The following MTMR1 variants were observed in gnomAD, a reference collection of about 807,000 sequenced individuals.
The protein encoded by MTMR1 is phosphatidylinositol-3-phosphate phosphatase MTMR1.
In MTMR1, 17 loss-of-function variants were observed where a neutral mutation model predicts 51.6. The ratio of observed to expected loss-of-function variants is 0.33; its 90% CI spans 0.23 to 0.49. The LOEUF (loss-of-function observed/expected upper bound fraction) is 0.49, where lower values mean the gene tolerates loss of function less well. MTMR1 is among the 20% of genes least tolerant of loss of function. MTMR1 has a pLI of 0.99. For synonymous variants in MTMR1, 201 were observed against 205.6 expected, an observed-to-expected ratio of 0.98 and a Z score of 0.19; for missense variants, 386 against 526.9, an observed-to-expected ratio of 0.73 and a Z score of 2.62.
chrX:150,742,190 T>C (rs2148649722), intron 12 of MTMR1, among the ~76,000 whole-genome samples: 1 of 112,301 alleles, frequency 8.9e-6, no homozygotes, highest in South Asian at 3.7e-4. Flanking sequence ...AGAATGTACC[T>C]TACAGAAACC....
chrX:150,717,962 G>A (rs1557416450), intron 3 of MTMR1, among the ~76,000 whole-genome samples: 1 of 112,849 alleles, frequency 8.9e-6, no homozygotes, highest in African/African-American at 3.2e-5. Context: ...CCTGCCAGAT[G>A]AGAGCACACT....
intron 13 of MTMR1, among the ~76,000 whole-genome samples, chrX:150,745,224 G>C (rs2042544015): frequency 8.9e-6 from 1 of 112,339 alleles, no homozygotes; most frequent in African/African-American, 3.2e-5. Flanking sequence ...AGGCAAAAGA[G>C]AGTAGTTTCC....
Position 150,747,110 on chromosome X carries a change from C to T in MTMR1, c.1566+2657C>T, listed in dbSNP as rs143653724. On this transcript the variant is annotated intron_variant, in intron 13 of 15. Coordinates refer to ENST00000445323, the MANE Select transcript of MTMR1 (RefSeq NM_001306144.3). ...CCATAGTTTAATACAATCCTTACTC[C>T]TCTGGGTAGGTTTAATAGTCATTGA... Among the ~76,000 whole-genome samples, 460 of 111,027 alleles carry T rather than the reference C, an allele frequency of 4.1e-3. 2 individuals are homozygous for T. Among genetic ancestry groups the T allele is most frequent in the African/African-American group, 0.014 (417 of 30,500 alleles).
At chrX:150,738,183 A>G (rs2042330738) in intron 12 of MTMR1, among the ~76,000 whole-genome samples, 1 of 112,554 alleles carries the variant, frequency 8.9e-6, no homozygotes, top group South Asian at 3.6e-4. Context: ...TTCTGTCTTC[A>G]TATACATTTG....
Position 150,763,397 on chromosome X carries a change from GTCC to G in MTMR1, c.*671_*673del, listed in dbSNP as rs1273733644. The G allele has an allele frequency of 8.8e-6, 1 of 113,048 alleles. No individual in the cohort carries two copies. Among genetic ancestry groups the G allele is most frequent in the Non-Finnish European group, 1.9e-5 (1 of 53,416 alleles). The allele number at this position is 113,048 out of a possible 1,213,427, so 9.3% of individuals were successfully genotyped here. Reference sequence around the variant, plus strand: ...TGCAATTTCAAGGGCAACGTGTTCTGTCCTCACCTCACTCTGGTACTCGCCTCT... The same window carrying G: ...TGCAATTTCAAGGGCAACGTGTTCTGTCACCTCACTCTGGTACTCGCCTCT... On this transcript the variant is annotated 3_prime_UTR_variant, in exon 16 of 16. Coordinates refer to ENST00000445323, the MANE Select transcript of MTMR1 (RefSeq NM_001306144.3).
At chrX:150,744,269 T>A in intron 12 of MTMR1, 92 bp from the exon 13 acceptor site, 3 of 640,148 alleles carry the variant, frequency 4.7e-6, no homozygotes, top group Non-Finnish European at 7.5e-6. Context: ...TTAGGCCTGA[T>A]GAGATGTGAT....
rs2043186169 is a variant in MTMR1, at chrX:150,762,814, ATCTTG to A, written c.*90_*94del. The A allele has an allele frequency of 9.8e-7, 1 of 1,021,913 alleles. No individual in the cohort carries two copies. 84.2% of individuals were successfully genotyped at this position (1,021,913 alleles called of 1,213,427 possible). A position where few individuals can be genotyped will look rare whatever the true frequency, so the allele number is the denominator to read the frequency against. On this transcript the variant is annotated 3_prime_UTR_variant, in exon 16 of 16. Transcript: ENST00000445323. Reference sequence around the variant, plus strand: ...ATCACTGTTATGGCTGTAGCTTGTGATCTTGTCTTTTAGGATTAGGCCCAGGGACC... The same window carrying A: ...ATCACTGTTATGGCTGTAGCTTGTGATCTTTTAGGATTAGGCCCAGGGACC...
chrX:150,716,171 CT>C (rs1223032593), intron 3 of MTMR1, among the ~76,000 whole-genome samples: 1 of 112,542 alleles, frequency 8.9e-6, no homozygotes, highest in African/African-American at 3.2e-5. Flanking sequence ...AAACTTAAGT[CT>C]GTATAATACA....
intron 14 of MTMR1, among the ~76,000 whole-genome samples, chrX:150,752,893 C>T (rs190771324): frequency 3.3e-4 from 37 of 110,700 alleles, no homozygotes; most frequent in Non-Finnish European, 4.5e-4. Flanking sequence ...GTTCCCGCCT[C>T]GGCCTCCCAA....
chrX:150,758,106 T>C (rs2042958874), intron 15 of MTMR1, among the ~76,000 whole-genome samples: 1 of 111,258 alleles, frequency 9.0e-6, no homozygotes, highest in Non-Finnish European at 1.9e-5. Flanking sequence ...GCCCCTCTGC[T>C]GCAGGCCAGT....
chrX:150,695,002 T>C (rs923465786), intron 1 of MTMR1, among the ~76,000 whole-genome samples: 2 of 112,465 alleles, frequency 1.8e-5, no homozygotes, highest in Admixed American at 1.9e-4. Flanking sequence ...TCTGGTTTCC[T>C]TCAGAGATTT....
intron 1 of MTMR1, among the ~76,000 whole-genome samples, chrX:150,696,307 T>G (rs2040674406): frequency 9.0e-6 from 1 of 111,653 alleles, no homozygotes; most frequent in African/African-American, 3.3e-5. Flanking sequence ...ATTCACACTT[T>G]TCTTTGAAGA....
chrX:150,753,910 T>A (rs1557417668), intron 14 of MTMR1, among the ~76,000 whole-genome samples: 2 of 112,622 alleles, frequency 1.8e-5, no homozygotes, highest in Non-Finnish European at 3.7e-5. Flanking sequence ...CCCAAAGTCA[T>A]GAAGATTTGC....
chrX:150,732,566 A>G lies in MTMR1; in HGVS notation c.916A>G (p.Ser306Gly). Residue 306 changes from serine to glycine, a missense_variant, in exon 10 of 16, where the codon AGT becomes GGT. Transcript: ENST00000445323. Reference protein sequence around the residue: ...VPVLSWIHPESQATITRCSQP... With the variant: ...VPVLSWIHPEGQATITRCSQP... The stretch of plus-strand genomic sequence containing the variant: ...GGTGTTGTCATGGATTCATCCGGAA[A>G]GTCAAGCAACGATTACCCGTTGCAG... 8.3e-7 allele frequency: 1 copy of G among 1,209,641 alleles called. No individual in the cohort carries two copies. Among genetic ancestry groups the G allele is most frequent in the South Asian group, 1.8e-5 (1 of 56,524 alleles).
chrX:150,754,759 C>T (rs782047572), intron 14 of MTMR1, among the ~76,000 whole-genome samples: 2 of 111,693 alleles, frequency 1.8e-5, no homozygotes, highest in African/African-American at 6.5e-5. Flanking sequence ...TGAGGTGGCT[C>T]ATGCCTGTAA....
chrX:150,696,084 C>G (rs958174756), intron 1 of MTMR1, among the ~76,000 whole-genome samples: 1 of 111,496 alleles, frequency 9.0e-6, no homozygotes, highest in African/African-American at 3.3e-5. Context: ...GTTGAATTGG[C>G]AGGGTCTCTG....
chrX:150,758,789 C>G (rs1445352471), intron 15 of MTMR1, among the ~76,000 whole-genome samples: 6 of 105,590 alleles, frequency 5.7e-5, no homozygotes, highest in East Asian at 2.9e-4. Flanking sequence ...GAGTGAGACT[C>G]CGTCTCAAAA....
intron 13 of MTMR1, among the ~76,000 whole-genome samples, 187 bp from the exon 14 acceptor site, chrX:150,750,543 T>G (rs1557417559): frequency 8.9e-6 from 1 of 112,235 alleles, no homozygotes; most frequent in Non-Finnish European, 1.9e-5. Flanking sequence ...TTGCTGCTGG[T>G]TGTTTCTCAG....
chrX:150,752,884 T>G (rs1234960025), intron 14 of MTMR1, among the ~76,000 whole-genome samples: 2 of 110,728 alleles, frequency 1.8e-5, no homozygotes, highest in Non-Finnish European at 3.8e-5. Context: ...TCAAGTGATG[T>G]TCCCGCCTCG....
Sources: allele counts gnomAD v4.1 joint callset (sites outside exome capture counted in the v4.1 genomes callset), GRCh38; gene constraint gnomAD v4.1.1; transcripts MANE v1.5; gene names NCBI Gene and HGNC (gene_info 2026-07-23, HGNC 2026-07-21).